The following RIMS3 variants were observed in gnomAD, a reference collection of about 807,000 sequenced individuals.
RIMS3 encodes the protein regulating synaptic membrane exocytosis protein 3.
RIMS3 carries 15 observed loss-of-function variants against 29.2 expected under a neutral mutation model. The observed-to-expected ratio is 0.51, with a 90% CI of 0.34 to 0.79. The LOEUF (loss-of-function observed/expected upper bound fraction) is 0.79. RIMS3 is among the 30% of genes least tolerant of loss of function. The pLI is 0.01. For missense variants in RIMS3, 342 were observed against 421.4 expected (o/e 0.81, Z 1.65); for synonymous variants, 161 against 170.1 (o/e 0.95, Z 0.41).
chr1:40,642,970 AT>A (rs1011669427), intron 2 of RIMS3, among the ~76,000 whole-genome samples: 2 of 144,070 alleles, frequency 1.4e-5, no homozygotes, highest in South Asian at 2.2e-4. Context: ...AAAAAAAAAA[AT>A]ATTATATCAT....
At chr1:40,685,925 A>T in the RIMS3 span, among the ~76,000 whole-genome samples, 1 of 152,102 alleles carries the variant, frequency 6.6e-6, no homozygotes, top group Non-Finnish European at 1.5e-5. Context: ...AGGGGGGCAG[A>T]TCACCTGAGG....
At chr1:40,629,459 G>A (rs933467762) in intron 5 of RIMS3, 87 bp from the exon 6 acceptor site, 1 of 1,075,346 alleles carries the variant, frequency 9.3e-7, no homozygotes, top group Non-Finnish European at 1.4e-6. Flanking sequence ...GCCTGTGGAG[G>A]AGGCTACATC....
chr1:40,657,979 G>A (rs1244614616), intron 1 of RIMS3, among the ~76,000 whole-genome samples: 1 of 152,066 alleles, frequency 6.6e-6, no homozygotes, highest in Non-Finnish European at 1.5e-5. Context: ...CCATCTTATA[G>A]AAGTGAAGAT....
rs757387455 is a variant in RIMS3 at position 40,629,286 on chromosome 1, A to T, written c.559T>A (p.Ser187Thr). The T allele has an allele frequency of 5.0e-6, 8 of 1,613,918 alleles. No individual in the cohort carries two copies. Among genetic ancestry groups the T allele is most frequent in the Non-Finnish European group, 6.8e-6 (8 of 1,179,916 alleles). ...AATCCCTCACCTGGGAGGGATTTGG[A>T]GCCTGGTTTGGGGGTCAGGCCCCGA... is the stretch of plus-strand genomic sequence containing the variant. ...EARGLTPKPG[S>T]KSLPATYIKV... The change falls in exon 6 of 8, where the codon TCC becomes ACC. Residue 187 changes from serine to threonine, a missense_variant. Physicochemically the swap from Ser to Thr is moderately conservative, Grantham distance 58 (BLOSUM62 1). Coordinates refer to ENST00000372684, the MANE Select transcript of RIMS3 (RefSeq NM_014747.3).
the RIMS3 span, among the ~76,000 whole-genome samples, chr1:40,682,415 T>G: frequency 6.6e-6 from 1 of 152,264 alleles, no homozygotes; most frequent in East Asian, 1.9e-4. Context: ...TTCCTTGGAC[T>G]AGGCAACCCC....
In RIMS3 at chr1:40,628,798, T is replaced by A. The variant is rs757000786; in HGVS notation, c.714+12A>T. 131 of 1,614,046 alleles carry A rather than the reference T, an allele frequency of 8.1e-5. 1 individual carries two copies. The highest frequency in any genetic ancestry group is 4.9e-4 in the Middle Eastern group (3 of 6,084). ...TGAGTCCACCCTGCCCTACTTGCCC[T>A]GTGACACCCACCTGCAGCACCTTGC... is the stretch of plus-strand genomic sequence containing the variant. On this transcript the variant is annotated intron_variant, in intron 7 of 7. Transcript: ENST00000372684.
At chr1:40,658,712 AGAGATATCCAGTCTGT>A (rs1180533253) in intron 1 of RIMS3, among the ~76,000 whole-genome samples, 1 of 152,270 alleles carries the variant, frequency 6.6e-6, no homozygotes, top group Non-Finnish European at 1.5e-5. Context: ...CTGAAAAGGC[AGAGATATCCAGTCTGT>A]GGATACAGAA....
the RIMS3 span, among the ~76,000 whole-genome samples, chr1:40,680,213 C>A: frequency 6.6e-6 from 1 of 151,742 alleles, no homozygotes; most frequent in African/African-American, 2.4e-5. Context: ...CAAAACCATG[C>A]GAGACCAATT....
At chr1:40,674,489 T>C in the RIMS3 span, among the ~76,000 whole-genome samples, 1 of 152,194 alleles carries the variant, frequency 6.6e-6, no homozygotes, top group African/African-American at 2.4e-5. Flanking sequence ...CTCTGACCAA[T>C]GGTGTATACT....
intron 1 of RIMS3, among the ~76,000 whole-genome samples, chr1:40,656,767 G>C (rs1557684090): frequency 7.1e-6 from 1 of 140,714 alleles, no homozygotes; most frequent in African/African-American, 2.7e-5. Context: ...TGGGCAACAA[G>C]AGCGAAACTC....
Position 40,665,665 on chromosome 1 carries a change from C to A in RIMS3, c.-478G>T. The A allele has an allele frequency of 6.6e-6, 1 of 152,456 alleles. No homozygotes were observed. The highest frequency in any genetic ancestry group is 2.0e-4 in the South Asian group (1 of 4,958). The allele number at this position is 152,456 out of a possible 1,614,324, so 9.4% of individuals were successfully genotyped here. A position where few individuals can be genotyped will look rare whatever the true frequency, so the allele number is the denominator to read the frequency against. ...CTCCGCAGCAGCCACCGTTTTCAGT[C>A]GCCGCCGGGTGCAAAGCCCAAGCTT... On this transcript the variant is annotated 5_prime_UTR_variant, in exon 1 of 8. Coordinates refer to ENST00000372684, the MANE Select transcript of RIMS3 (RefSeq NM_014747.3).
In RIMS3 at chr1:40,624,524, A is replaced by G. The variant is rs747061392; in HGVS notation, c.*1993T>C. 2.0e-5 allele frequency: 3 copies of G among 152,250 alleles called. No individual in the cohort carries two copies. The highest frequency in any genetic ancestry group is 3.4e-3 in the Middle Eastern group (1 of 294). 9.4% of individuals were successfully genotyped at this position (152,250 alleles called of 1,614,324 possible). On this transcript the variant is annotated 3_prime_UTR_variant, in exon 8 of 8. Transcript: ENST00000372684. Reference sequence around the variant, plus strand: ...GCCCAGTGGCCTCCTCCCCATCTCTATGCACCCAATGGTCCCTTTCTCTGA... The same window carrying G: ...GCCCAGTGGCCTCCTCCCCATCTCTGTGCACCCAATGGTCCCTTTCTCTGA...
At chr1:40,672,685 A>T in the RIMS3 span, among the ~76,000 whole-genome samples, 1 of 152,146 alleles carries the variant, frequency 6.6e-6, no homozygotes, top group Non-Finnish European at 1.5e-5. Flanking sequence ...CACATGCTCT[A>T]TTGGGGGTGG....
chr1:40,640,498 T>C (rs565809034), intron 3 of RIMS3, among the ~76,000 whole-genome samples: 2 of 152,306 alleles, frequency 1.3e-5, no homozygotes, highest in South Asian at 2.1e-4. Context: ...GGAGCCTTGA[T>C]GAGCATTCTC....
intron 2 of RIMS3, among the ~76,000 whole-genome samples, chr1:40,645,186 T>C (rs142897144): frequency 9.5e-4 from 145 of 152,304 alleles, no homozygotes; most frequent in African/African-American, 3.3e-3. Context: ...GATGATCTCT[T>C]CGAGTTTCCA....
At chr1:40,646,882 C>CTT (rs200219484) in intron 2 of RIMS3, among the ~76,000 whole-genome samples, 8 of 144,456 alleles carry the variant, frequency 5.5e-5, no homozygotes, top group South Asian at 2.2e-4. Flanking sequence ...AACCAGATAA[C>CTT]TTTTTTTTTT....
chr1:40,674,332 T>A, the RIMS3 span, among the ~76,000 whole-genome samples: 1 of 152,164 alleles, frequency 6.6e-6, no homozygotes, highest in Admixed American at 6.5e-5. Flanking sequence ...TCTGCCTCAC[T>A]CACATTCACT....
chr1:40,672,977 C>T, the RIMS3 span, among the ~76,000 whole-genome samples: 1 of 151,818 alleles, frequency 6.6e-6, no homozygotes, highest in Non-Finnish European at 1.5e-5. Context: ...GTCAGGAGTT[C>T]AAGACCAATC....
At position 40,654,355 on chromosome 1, in the gene RIMS3, G is replaced by C. The variant is rs1265308824; in HGVS notation, c.-206-6513C>G. Among the ~76,000 whole-genome samples, 4 of 152,122 alleles carry C rather than the reference G, an allele frequency of 2.6e-5. No homozygotes were observed. Among genetic ancestry groups the C allele is most frequent in the Non-Finnish European group, 5.9e-5 (4 of 68,000 alleles). On this transcript the variant is annotated intron_variant, in intron 1 of 7. Coordinates refer to ENST00000372684, the MANE Select transcript of RIMS3 (RefSeq NM_014747.3). This position sits in a 1 kb window ranked among gnomAD's most constrained non-coding sequence, Gnocchi z 5.3. The stretch of plus-strand genomic sequence containing the variant: ...ACAGACACCGCCCAAAGAGGTGCAC[G>C]CATTCCCTGCAACCTCTCCACCCCC...
Sources: allele counts gnomAD v4.1 joint callset (sites outside exome capture counted in the v4.1 genomes callset), GRCh38; gene constraint gnomAD v4.1.1; non-coding constraint Gnocchi (gnomAD v3.1); transcripts MANE v1.5; gene names NCBI Gene and HGNC (gene_info 2026-07-23, HGNC 2026-07-21).